ERBB4: variants seen among roughly 807,000 people sequenced by gnomAD.
The protein encoded by ERBB4 is receptor tyrosine-protein kinase erbB-4.
ERBB4 carries 42 observed loss-of-function variants against 158.0 expected under a neutral mutation model. The observed-to-expected ratio is 0.27, with a 90% CI of 0.21 to 0.34. The LOEUF is 0.34. Among genes scored for constraint, ERBB4 ranks in the 10% least tolerant of loss-of-function variants. The pLI, the probability that ERBB4 is intolerant of heterozygous loss-of-function variation, is 1.00. For missense variants in ERBB4, 1,333 were observed against 1,624.1 expected (o/e 0.82, Z 3.08); for synonymous variants, 583 against 558.7 (o/e 1.04, Z -0.61).
intron 3 of ERBB4, among the ~76,000 whole-genome samples, chr2:211,893,540 A>C (rs1265242605): frequency 7.0e-6 from 1 of 142,386 alleles, no homozygotes; most frequent in Non-Finnish European, 1.5e-5. Flanking sequence ...CAATGGCAAC[A>C]AAAGCCTAAA....
chr2:211,878,657 G>GT (rs56379006), intron 3 of ERBB4, among the ~76,000 whole-genome samples: 45 of 133,882 alleles, frequency 3.4e-4, no homozygotes, highest in African/African-American at 1.1e-3. Context: ...ATTAAGTTTT[G>GT]TTTTTTTTTT....
intron 1 of ERBB4, among the ~76,000 whole-genome samples, chr2:212,343,987 A>G (rs2088848996): frequency 6.6e-6 from 1 of 152,176 alleles, no homozygotes; most frequent in Admixed American, 6.5e-5. Context: ...TTATCTTAAA[A>G]GCAAACCCTG....
chr2:211,520,939 T>C (rs77762486), intron 20 of ERBB4, among the ~76,000 whole-genome samples: 13,901 of 152,174 alleles, frequency 0.091, 857 homozygotes, highest in African/African-American at 0.18. Flanking sequence ...ATGAACTTAA[T>C]GGATAAATGT....
rs568220512 is a variant in ERBB4 at position 212,401,543 on chromosome 2, TG to T, written c.82+136905del. On this transcript the variant is annotated intron_variant, in intron 1 of 27. Coordinates refer to ENST00000342788, the MANE Select transcript of ERBB4 (RefSeq NM_005235.3). Reference sequence around the variant, plus strand: ...GCACAATATGTGGTATAACAGTTTTTGCAAGTGTACCAAGAAATGACTGAAC... The same window carrying T: ...GCACAATATGTGGTATAACAGTTTTTCAAGTGTACCAAGAAATGACTGAAC... Among the ~76,000 whole-genome samples, 133 of 152,238 alleles carry T rather than the reference TG, an allele frequency of 8.7e-4. 1 individual carries two copies. Among genetic ancestry groups the T allele is most frequent in the African/African-American group, 3.1e-3 (128 of 41,572 alleles).
intron 3 of ERBB4, among the ~76,000 whole-genome samples, chr2:211,884,359 C>G (rs1347019648): frequency 6.6e-6 from 1 of 152,130 alleles, no homozygotes; most frequent in East Asian, 1.9e-4. Context: ...CTCCAACATC[C>G]AGTTCTCCTA....
intron 14 of ERBB4, among the ~76,000 whole-genome samples, chr2:211,667,605 T>C (rs1397797341): frequency 6.6e-6 from 1 of 152,144 alleles, no homozygotes; most frequent in Non-Finnish European, 1.5e-5. Flanking sequence ...TTACACAGAA[T>C]CATTTACTGT....
At chr2:211,918,194 A>G (rs2079754037) in intron 3 of ERBB4, among the ~76,000 whole-genome samples, 1 of 152,188 alleles carries the variant, frequency 6.6e-6, no homozygotes, top group Non-Finnish European at 1.5e-5. Context: ...TTCTTTTTGT[A>G]TTTAGTAGTT....
chr2:211,542,146 GA>G (rs1395677764), intron 20 of ERBB4, among the ~76,000 whole-genome samples: 1 of 151,960 alleles, frequency 6.6e-6, no homozygotes, highest in Non-Finnish European at 1.5e-5. Flanking sequence ...CTCAAGAAGG[GA>G]GATTGGCTTA....
At chr2:212,125,215 A>ATT in intron 1 of ERBB4, 2 of 210,138 alleles carry the variant, frequency 9.5e-6, no homozygotes, top group East Asian at 1.1e-4. Context: ...TTATTTAAAC[A>ATT]TTTTTTTTTT....
intron 1 of ERBB4, among the ~76,000 whole-genome samples, chr2:212,351,525 T>TA (rs1261971102): frequency 6.6e-6 from 1 of 152,162 alleles, no homozygotes; most frequent in South Asian, 2.1e-4. Flanking sequence ...ATTTATAATA[T>TA]AAAATTTGAG....
intron 16 of ERBB4, among the ~76,000 whole-genome samples, chr2:211,651,881 C>A (rs1034689834): frequency 6.6e-6 from 1 of 151,848 alleles, no homozygotes; most frequent in Non-Finnish European, 1.5e-5. Context: ...TGATTTCAGC[C>A]TGGTGAGAAG....
At chr2:211,423,257 A>G (rs2063549926) in intron 23 of ERBB4, among the ~76,000 whole-genome samples, 1 of 152,008 alleles carries the variant, frequency 6.6e-6, no homozygotes. Flanking sequence ...CCTGAACTGC[A>G]AAGAACATTT....
At position 211,884,166 on chromosome 2, in the gene ERBB4, C is replaced by T. The variant is rs1305499058; in HGVS notation, c.421+63264G>A. Among the ~76,000 whole-genome samples, 2 of 152,176 alleles carry T rather than the reference C, an allele frequency of 1.3e-5. 1 individual carries two copies. The highest frequency in any genetic ancestry group is 2.9e-5 in the Non-Finnish European group (2 of 68,040). On this transcript the variant is annotated intron_variant, in intron 3 of 27. Coordinates refer to ENST00000342788, the MANE Select transcript of ERBB4 (RefSeq NM_005235.3). Reference sequence around the variant, plus strand: ...AACACCTGCATCTAATAGCAACACACTCTGGATACATGATTCCTGTTACCT... The same window carrying T: ...AACACCTGCATCTAATAGCAACACATTCTGGATACATGATTCCTGTTACCT...
At chr2:212,232,511 C>T (rs1056390568) in intron 1 of ERBB4, among the ~76,000 whole-genome samples, 6 of 152,112 alleles carry the variant, frequency 3.9e-5, no homozygotes, top group African/African-American at 1.4e-4. Flanking sequence ...TGTGTTCAAG[C>T]GATTTTCCTG....
At chr2:211,571,329 G>A (rs1479446875) in intron 19 of ERBB4, among the ~76,000 whole-genome samples, 2 of 152,028 alleles carry the variant, frequency 1.3e-5, no homozygotes, top group African/African-American at 4.8e-5. Context: ...AAATATGACA[G>A]AGTTGTCAAA....
chr2:212,018,217 T>C (rs970605815), intron 2 of ERBB4, among the ~76,000 whole-genome samples: 2 of 152,062 alleles, frequency 1.3e-5, no homozygotes, highest in South Asian at 2.1e-4. Context: ...ACTTACAGAG[T>C]CATCCAACAA....
At chr2:212,536,521 A>C (rs1693074930) in intron 1 of ERBB4, among the ~76,000 whole-genome samples, 1 of 152,124 alleles carries the variant, frequency 6.6e-6, no homozygotes, top group Admixed American at 6.5e-5. Flanking sequence ...CGGAACAACA[A>C]TGGCACGCTA....
chr2:212,452,009 G>GGT (rs1270328511), intron 1 of ERBB4, among the ~76,000 whole-genome samples: 45 of 139,008 alleles, frequency 3.2e-4, no homozygotes, highest in African/African-American at 1.0e-3. Flanking sequence ...GAGTGTGCAG[G>GGT]TTTTTTTTTT....
intron 1 of ERBB4, among the ~76,000 whole-genome samples, chr2:212,128,178 A>G (rs1348556257): frequency 6.6e-6 from 1 of 152,178 alleles, no homozygotes; most frequent in Admixed American, 6.5e-5. Flanking sequence ...AGTGATACGG[A>G]TGGATGCTAT....
Sources: gnomAD v4.1 joint callset for allele counts (sites outside exome capture counted in the v4.1 genomes callset) on GRCh38, gnomAD v4.1.1 for gene constraint, MANE v1.5 for transcripts, NCBI Gene and HGNC (gene_info 2026-07-23, HGNC 2026-07-21) for gene names.